The following GABRG2 variants were observed in gnomAD, a reference collection of about 807,000 sequenced individuals.
GABRG2 encodes gamma-aminobutyric acid receptor subunit gamma-2.
Under a neutral mutation model 56.4 loss-of-function variants are expected in GABRG2, and 16 were observed. The observed-to-expected ratio is 0.28, with a 90% confidence interval of 0.19 to 0.43. GABRG2 has a LOEUF of 0.43. GABRG2 is among the 20% of genes least tolerant of loss of function. The pLI is 1.00. For synonymous variants in GABRG2, 208 were observed against 205.5 expected (o/e 1.01, Z -0.10); for missense variants, 327 against 582.7 (o/e 0.56, Z 4.52).
intron 7 of GABRG2, among the ~76,000 whole-genome samples, chr5:162,147,711 T>G (rs1442800788): frequency 6.6e-6 from 1 of 152,172 alleles, no homozygotes; most frequent in Non-Finnish European, 1.5e-5. Context: ...CAGAGGAGAA[T>G]CTGGCTGTCC....
At chr5:162,096,694 T>C (rs1035891912) in intron 3 of GABRG2, among the ~76,000 whole-genome samples, 2 of 151,230 alleles carry the variant, frequency 1.3e-5, no homozygotes, top group Admixed American at 6.6e-5. Flanking sequence ...AACAATGTGA[T>C]TGAGGCAAAA....
At chr5:162,069,782 G>T (rs1166373094) in intron 1 of GABRG2, among the ~76,000 whole-genome samples, 2 of 151,986 alleles carry the variant, frequency 1.3e-5, no homozygotes, top group South Asian at 2.1e-4. Flanking sequence ...GTAATTTTTT[G>T]ATTCAAAATT....
chr5:162,125,824 T>C (rs1763306523), intron 6 of GABRG2, among the ~76,000 whole-genome samples: 1 of 151,830 alleles, frequency 6.6e-6, no homozygotes, highest in African/African-American at 2.4e-5. Flanking sequence ...ATAGAATCAA[T>C]AGACAAAGGT....
rs34083256 is a variant in GABRG2, at chr5:162,116,110, A to ATGTGTG, written c.769+12116_769+12121dup. ...ATTAAACACCAAGGGGTGTGCGTGC[A>ATGTGTG]TGTGTGTGTGTGTGTGTGTGTGTGT... On this transcript the variant is annotated intron_variant, in intron 6 of 9. Coordinates refer to ENST00000639213, the MANE Select transcript of GABRG2 (RefSeq NM_198904.4). 6.7e-3 allele frequency among the ~76,000 whole-genome samples: 853 copies of ATGTGTG among 127,190 alleles called. 11 individuals are homozygous for ATGTGTG. Among genetic ancestry groups the ATGTGTG allele is most frequent in the East Asian group, 0.035 (152 of 4,360 alleles). The allele number at this position is 127,190 out of a possible 152,430, so 83.4% of individuals were successfully genotyped here. A position where few individuals can be genotyped will look rare whatever the true frequency, so the allele number is the denominator to read the frequency against.
In GABRG2 at chr5:162,068,113, T is replaced by A. The variant is rs1481952641; in HGVS notation, c.107+7T>A. Reference sequence around the variant, plus strand: ...TGCTGTCGCTCTACCCTGGGTAAGATGTGCCCTTTTTGGCGTCGTTTTGTT... The same window carrying A: ...TGCTGTCGCTCTACCCTGGGTAAGAAGTGCCCTTTTTGGCGTCGTTTTGTT... On this transcript the variant is annotated splice_region_variant and intron_variant, in intron 1 of 9. Coordinates refer to ENST00000639213, the MANE Select transcript of GABRG2 (RefSeq NM_198904.4). 1 of 1,607,392 alleles carries A rather than the reference T, an allele frequency of 6.2e-7. No homozygotes were observed. Among genetic ancestry groups the A allele is most frequent in the Non-Finnish European group, 8.5e-7 (1 of 1,174,430 alleles).
chr5:162,069,180 C>A, intron 1 of GABRG2, among the ~76,000 whole-genome samples: 1 of 152,110 alleles, frequency 6.6e-6, no homozygotes, highest in East Asian at 1.9e-4. Flanking sequence ...GCTGACTATT[C>A]GTCTACCTAC....
chr5:162,142,136 G>A (rs375422887), intron 6 of GABRG2, 28 bp from the exon 7 acceptor site: 14 of 1,611,932 alleles, frequency 8.7e-6, no homozygotes, highest in Non-Finnish European at 1.1e-5. Flanking sequence ...ATAAAGGGTT[G>A]TATGGTGTTA....
chr5:162,116,110 A>ATGTGTGTGTG (rs34083256), intron 6 of GABRG2, among the ~76,000 whole-genome samples: 19 of 127,226 alleles, frequency 1.5e-4, no homozygotes, highest in East Asian at 1.1e-3. Context: ...GTGTGCGTGC[A>ATGTGTGTGTG]TGTGTGTGTG....
Position 162,122,579 on chromosome 5 carries a change from T to C in GABRG2, c.769+18553T>C, listed in dbSNP as rs1473156767. On this transcript the variant is annotated intron_variant, in intron 6 of 9. Transcript: ENST00000639213. The stretch of plus-strand genomic sequence containing the variant: ...ATAGTCTGTTTTATACTTCAGATTA[T>C]TTAATGTTTTTTATCTTCATGACAG... Among the ~76,000 whole-genome samples the C allele has an allele frequency of 2.6e-5, 4 of 151,822 alleles. No homozygotes were observed. In the East Asian group the frequency reaches 7.7e-4, roughly 29 times the overall value.
intron 7 of GABRG2, chr5:162,142,807 A>T (rs540781266): frequency 4.1e-6 from 1 of 245,370 alleles, no homozygotes; most frequent in Admixed American, 5.1e-5. Flanking sequence ...TTAAATGACG[A>T]GTTAATGGGT....
intron 1 of GABRG2, among the ~76,000 whole-genome samples, chr5:162,074,378 C>T (rs1053567458): frequency 2.0e-5 from 3 of 151,972 alleles, no homozygotes; most frequent in Non-Finnish European, 4.4e-5. Flanking sequence ...ACAACATAAT[C>T]GTGGAGAAAA....
At chr5:162,109,974 T>C (rs1045057706) in intron 6 of GABRG2, among the ~76,000 whole-genome samples, 2 of 152,150 alleles carry the variant, frequency 1.3e-5, no homozygotes, top group Non-Finnish European at 2.9e-5. Context: ...TCTGTCATAT[T>C]GTCTTTAGCA....
chr5:162,149,050 T>C (rs1324258494), intron 7 of GABRG2, 58 bp from the exon 8 acceptor site: 7 of 1,512,594 alleles, frequency 4.6e-6, no homozygotes, highest in Non-Finnish European at 6.4e-6. Context: ...CACGAGTGAC[T>C]CAGTTACCCA....
chr5:162,117,879 T>C (rs1489933520), intron 6 of GABRG2, among the ~76,000 whole-genome samples: 3 of 152,142 alleles, frequency 2.0e-5, no homozygotes, highest in African/African-American at 7.2e-5. Flanking sequence ...GATATGGTGA[T>C]GATAATGATG....
chr5:162,092,953 G>A (rs1183296371), intron 1 of GABRG2, among the ~76,000 whole-genome samples: 1 of 152,100 alleles, frequency 6.6e-6, no homozygotes, highest in Non-Finnish European at 1.5e-5. Context: ...TCTTGGCGGG[G>A]TTGCCTTGGG....
intron 6 of GABRG2, chr5:162,128,333 G>GTCTCT (rs1763482439): frequency 6.6e-6 from 1 of 151,990 alleles, no homozygotes; most frequent in Non-Finnish European, 1.5e-5. Context: ...TTCTTTCACT[G>GTCTCT]CTGGAGGCAG....
At chr5:162,091,267 A>C (rs1484145415) in intron 1 of GABRG2, among the ~76,000 whole-genome samples, 1 of 151,846 alleles carries the variant, frequency 6.6e-6, no homozygotes, top group Admixed American at 6.6e-5. Context: ...ATCAGTGGTC[A>C]CTTTATAAAA....
intron 6 of GABRG2, among the ~76,000 whole-genome samples, chr5:162,129,739 A>G (rs2113529588): frequency 6.6e-6 from 1 of 152,118 alleles, no homozygotes; most frequent in South Asian, 2.1e-4. Context: ...CAAATGTTGT[A>G]TTCCTTAAAT....
intron 6 of GABRG2, among the ~76,000 whole-genome samples, chr5:162,140,772 G>T (rs1298216985): frequency 1.3e-5 from 2 of 152,128 alleles, no homozygotes; most frequent in Non-Finnish European, 2.9e-5. Flanking sequence ...ATTTTAAAAA[G>T]ATGTAGTAAC....
Sources: allele counts gnomAD v4.1 joint callset (sites outside exome capture counted in the v4.1 genomes callset), GRCh38; gene constraint gnomAD v4.1.1; transcripts MANE v1.5; gene names NCBI Gene and HGNC (gene_info 2026-07-23, HGNC 2026-07-21).